The following MIPOL1 variants were observed in gnomAD, a reference collection of about 807,000 sequenced individuals.
MIPOL1 encodes mirror-image polydactyly 1.
MIPOL1 carries 57 observed loss-of-function variants against 60.9 expected under a neutral mutation model. The ratio of observed to expected loss-of-function variants is 0.94; its 90% CI spans 0.76 to 1.17. MIPOL1 has a LOEUF of 1.17. MIPOL1 is among the 50% of genes most tolerant of loss of function. The pLI is 0.00. For synonymous variants in MIPOL1, 179 were observed against 168.8 expected (o/e 1.06, Z -0.47); for missense variants, 551 against 511.6 (o/e 1.08, Z -0.74).
At chr14:37,368,336 T>C (rs1197783409) in intron 9 of MIPOL1, among the ~76,000 whole-genome samples, 1 of 92,988 alleles carries the variant, frequency 1.1e-5, no homozygotes, top group Non-Finnish European at 2.1e-5. Context: ...GGTAAGACTT[T>C]TTCTTCTAAA....
chr14:37,286,962 C>A (rs1017987819), intron 7 of MIPOL1, among the ~76,000 whole-genome samples: 1 of 152,040 alleles, frequency 6.6e-6, no homozygotes, highest in East Asian at 1.9e-4. Flanking sequence ...TCAATTCATT[C>A]TCTATATGTT....
intron 10 of MIPOL1, chr14:37,401,716 G>A (rs926625794): frequency 1.3e-5 from 2 of 152,040 alleles, no homozygotes; most frequent in African/African-American, 4.8e-5. Flanking sequence ...AAGTATTATA[G>A]CTAAAGGAAA....
chr14:37,200,848 CTATGTGTGTGTGTGTGTGTGTG>C (rs2139073919), intron 1 of MIPOL1, among the ~76,000 whole-genome samples: 1 of 94,888 alleles, frequency 1.1e-5, no homozygotes, highest in East Asian at 2.9e-4. Context: ...CTATATCTAT[CTATGTGTGTGTGTGTGTGTGTG>C]TGTGTGTGTG....
chr14:37,332,943 C>T (rs1182147015), intron 9 of MIPOL1, among the ~76,000 whole-genome samples: 2 of 152,168 alleles, frequency 1.3e-5, no homozygotes, highest in African/African-American at 4.8e-5. Flanking sequence ...AGATGAGTAG[C>T]ATCCCACAGT....
chr14:37,315,317 G>A lies in MIPOL1; in HGVS notation c.828+6798G>A, dbSNP rs561466031. Among the ~76,000 whole-genome samples, 43 of 152,314 alleles carry A rather than the reference G, an allele frequency of 2.8e-4. No homozygotes were observed. In the South Asian group the frequency reaches 8.1e-3, roughly 29 times the overall value. On this transcript the variant is annotated intron_variant, in intron 9 of 12. Coordinates refer to ENST00000684589, the MANE Select transcript of MIPOL1 (RefSeq NM_001388067.1). Reference sequence around the variant, plus strand: ...TGTGCCAACCTTACATTTGATTGAAGTACAGTGAGCAAGGAAGATACTTAT... The same window carrying A: ...TGTGCCAACCTTACATTTGATTGAAATACAGTGAGCAAGGAAGATACTTAT...
intron 12 of MIPOL1, among the ~76,000 whole-genome samples, chr14:37,516,773 A>T (rs1306002935): frequency 6.6e-6 from 1 of 152,172 alleles, no homozygotes; most frequent in East Asian, 1.9e-4. Context: ...CTTTCTTTAA[A>T]TTGAAATATG....
intron 9 of MIPOL1, among the ~76,000 whole-genome samples, chr14:37,320,084 C>T (rs1181514062): frequency 3.3e-5 from 5 of 152,016 alleles, no homozygotes; most frequent in Non-Finnish European, 5.9e-5. Flanking sequence ...AGATTGTTTT[C>T]ATTTTTAACC....
At chr14:37,233,018 A>T (rs1003084018) in intron 1 of MIPOL1, among the ~76,000 whole-genome samples, 4 of 152,224 alleles carry the variant, frequency 2.6e-5, no homozygotes, top group Non-Finnish European at 5.9e-5. Context: ...CATCCACTCC[A>T]TGCATGTATG....
chr14:37,239,369 C>G (rs1972008514), intron 1 of MIPOL1, among the ~76,000 whole-genome samples: 1 of 152,084 alleles, frequency 6.6e-6, no homozygotes, highest in Admixed American at 6.6e-5. Context: ...AATACTTGGA[C>G]AGAAACACTG....
chr14:37,321,791 A>G (rs575404259), intron 9 of MIPOL1, among the ~76,000 whole-genome samples: 1 of 151,976 alleles, frequency 6.6e-6, no homozygotes, highest in Admixed American at 6.6e-5. Flanking sequence ...GTATCTTCCT[A>G]TAGAATAGAC....
At chr14:37,399,896 G>T (rs2093449880) in intron 10 of MIPOL1, 1 of 152,130 alleles carries the variant, frequency 6.6e-6, no homozygotes, top group Admixed American at 6.6e-5. Context: ...TATTGCCAAA[G>T]ACTGGGACTT....
intron 10 of MIPOL1, among the ~76,000 whole-genome samples, chr14:37,394,111 T>C (rs1360386385): frequency 7.1e-6 from 1 of 141,606 alleles, no homozygotes; most frequent in African/African-American, 2.6e-5. Context: ...TATATATATA[T>C]CCACAGTTTG....
At chr14:37,542,281 ATT>A (rs2095532689) in intron 12 of MIPOL1, among the ~76,000 whole-genome samples, 2 of 151,946 alleles carry the variant, frequency 1.3e-5, no homozygotes, top group Non-Finnish European at 2.9e-5. Context: ...TTCTCAATTT[ATT>A]TTTAGAATTT....
At chr14:37,482,795 A>G (rs1235670925) in intron 11 of MIPOL1, among the ~76,000 whole-genome samples, 2 of 151,976 alleles carry the variant, frequency 1.3e-5, no homozygotes, top group Non-Finnish European at 1.5e-5. Flanking sequence ...AAAGTTAACA[A>G]GTGTCAGTGA....
At chr14:37,299,303 G>C (rs1156722521) in intron 7 of MIPOL1, among the ~76,000 whole-genome samples, 2 of 151,866 alleles carry the variant, frequency 1.3e-5, no homozygotes, top group Non-Finnish European at 2.9e-5. Flanking sequence ...GTAGGGAGAG[G>C]GGGGCGGGAT....
At chr14:37,199,283 T>A (rs1052334525) in intron 1 of MIPOL1, among the ~76,000 whole-genome samples, 18 of 152,202 alleles carry the variant, frequency 1.2e-4, no homozygotes, top group African/African-American at 4.3e-4. Flanking sequence ...GTAATCATTA[T>A]CTGGACTTCC....
intron 9 of MIPOL1, among the ~76,000 whole-genome samples, chr14:37,329,294 T>C (rs991873075): frequency 6.6e-6 from 1 of 152,130 alleles, no homozygotes; most frequent in African/African-American, 2.4e-5. Flanking sequence ...GAAAGTGTCC[T>C]GAGAACTGTC....
At position 37,437,949 on chromosome 14, in the gene MIPOL1, C is replaced by T. The variant is rs147293325; in HGVS notation, c.1031+15000C>T. On this transcript the variant is annotated intron_variant, in intron 11 of 12. Coordinates refer to ENST00000684589, the MANE Select transcript of MIPOL1 (RefSeq NM_001388067.1). Reference sequence around the variant, plus strand: ...TTTTTTTAGCTTTTTAGGCATTAAACGCAATATTTTGTGAACACAATATGC... The same window carrying T: ...TTTTTTTAGCTTTTTAGGCATTAAATGCAATATTTTGTGAACACAATATGC... 4.3e-4 allele frequency among the ~76,000 whole-genome samples: 66 copies of T among 152,016 alleles called. No homozygotes were observed. In the East Asian group the frequency reaches 5.0e-3, roughly 12 times the overall value.
At chr14:37,313,997 A>G (rs959410358) in intron 9 of MIPOL1, among the ~76,000 whole-genome samples, 5 of 152,142 alleles carry the variant, frequency 3.3e-5, no homozygotes, top group Admixed American at 3.3e-4. Flanking sequence ...CAGTGATCTT[A>G]CATTTCTGTT....
Sources: gnomAD v4.1 joint callset for allele counts (sites outside exome capture counted in the v4.1 genomes callset) on GRCh38, gnomAD v4.1.1 for gene constraint, MANE v1.5 for transcripts, NCBI Gene and HGNC (gene_info 2026-07-23, HGNC 2026-07-21) for gene names.